Variants in CAMSAP2 observed in about 807,000 individuals in gnomAD.
CAMSAP2 encodes the protein calmodulin-regulated spectrin-associated protein 2.
A neutral mutation model predicts 146.1 loss-of-function variants in CAMSAP2; 26 were observed. The ratio of observed to expected loss-of-function variants is 0.18; its 90% CI spans 0.13 to 0.25. CAMSAP2 has a LOEUF of 0.25. CAMSAP2 is among the 10% of genes least tolerant of loss of function. CAMSAP2 has a pLI of 1.00. For missense variants in CAMSAP2, 1,381 were observed against 1,759.3 expected, an observed-to-expected ratio of 0.78 and a Z score of 3.85; for synonymous variants, 499 against 596.6, an observed-to-expected ratio of 0.84 and a Z score of 2.38.
intron 12 of CAMSAP2, 96 bp downstream of exon 12, chr1:200,852,773 C>A: frequency 7.8e-7 from 1 of 1,274,634 alleles, no homozygotes; most frequent in Non-Finnish European, 1.1e-6. Context: ...GGTGGTCTCT[C>A]ATTAATTTTT....
At chr1:200,828,617 C>A in intron 4 of CAMSAP2, 1 of 1,549,120 alleles carries the variant, frequency 6.5e-7, no homozygotes, top group South Asian at 1.2e-5. Context: ...TAAGTTTGCT[C>A]AGCTACTTCA....
In CAMSAP2 at chr1:200,832,628, A is replaced by C; in HGVS notation, c.788-78A>C. On this transcript the variant is annotated intron_variant, in intron 5 of 16. Coordinates refer to ENST00000358823, the MANE Select transcript of CAMSAP2 (RefSeq NM_203459.4). The surrounding 1 kb of genome is among the most constrained non-coding windows in gnomAD (Gnocchi z 4.2). Reference sequence around the variant, plus strand: ...TTGTTAACCAGAATTGTGTATTTGTACTAATTACAAGATGGATATGAAATA... The same window carrying C: ...TTGTTAACCAGAATTGTGTATTTGTCCTAATTACAAGATGGATATGAAATA... 1 of 1,190,748 alleles carries C rather than the reference A, an allele frequency of 8.4e-7. No homozygotes were observed. The highest frequency in any genetic ancestry group is 1.2e-6 in the Non-Finnish European group (1 of 858,904). The allele number at this position is 1,190,748 out of a possible 1,614,324, so 73.8% of individuals were successfully genotyped here.
At chr1:200,823,617 T>C (rs1666829838) in intron 4 of CAMSAP2, among the ~76,000 whole-genome samples, 1 of 152,212 alleles carries the variant, frequency 6.6e-6, no homozygotes, top group Non-Finnish European at 1.5e-5. Flanking sequence ...TCATATCATA[T>C]ATTGTATCAC....
At chr1:200,767,253 T>C (rs1664979482) in intron 2 of CAMSAP2, among the ~76,000 whole-genome samples, 1 of 151,942 alleles carries the variant, frequency 6.6e-6, no homozygotes, top group South Asian at 2.1e-4. Flanking sequence ...TACCAGCTAC[T>C]TGGGAGGCTG....
At chr1:200,742,727 A>G (rs1269917018) in intron 1 of CAMSAP2, among the ~76,000 whole-genome samples, 1 of 152,184 alleles carries the variant, frequency 6.6e-6, no homozygotes, top group Non-Finnish European at 1.5e-5. Flanking sequence ...GGTGTTTTCT[A>G]TTAGAAACTT....
Position 200,815,606 on chromosome 1 carries a change from A to G in CAMSAP2, c.607A>G (p.Lys203Glu). The G allele has an allele frequency of 6.3e-7, 1 of 1,577,898 alleles. No individual in the cohort carries two copies. The highest frequency in any genetic ancestry group is 8.6e-7 in the Non-Finnish European group (1 of 1,164,512). ...KDIMEQEQKL[K>E]EHHTVEAPGG... is the part of the protein sequence containing the mutation. Reference sequence around the variant, plus strand: ...CATAATGGAACAAGAACAAAAACTGAAAGAACATCACACAGTTGAAGCTCC... The same window carrying G: ...CATAATGGAACAAGAACAAAAACTGGAAGAACATCACACAGTTGAAGCTCC... The change falls in exon 4 of 17, where the codon AAA becomes GAA. Residue 203 changes from lysine to glutamate, a missense_variant. Lys to Glu is a moderately conservative substitution (Grantham distance 56). Coordinates refer to ENST00000358823, the MANE Select transcript of CAMSAP2 (RefSeq NM_203459.4).
rs569051976 is a variant in CAMSAP2, at chr1:200,818,225, T to G, written c.645+2581T>G. The stretch of plus-strand genomic sequence containing the variant: ...TGAACCAAATGGGGATTTTATATGA[T>G]GACAGAGGGCCCAAGAAACATTTTT... On this transcript the variant is annotated intron_variant, in intron 4 of 16. Transcript: ENST00000358823. Among the ~76,000 whole-genome samples the G allele has an allele frequency of 5.9e-5, 9 of 152,312 alleles. No individual in the cohort carries two copies. The South Asian group carries it at 1.9e-3, about 32-fold the overall frequency.
intron 1 of CAMSAP2, among the ~76,000 whole-genome samples, chr1:200,747,497 G>A (rs1664368432): frequency 6.6e-6 from 1 of 151,480 alleles, no homozygotes; most frequent in Non-Finnish European, 1.5e-5. Flanking sequence ...GTAAATGGGA[G>A]ATTGTATCAA....
rs1667795210 is a variant in CAMSAP2, at chr1:200,858,194, A to G, written c.*135A>G. 1 of 738,376 alleles carries G rather than the reference A, an allele frequency of 1.4e-6. No homozygotes were observed. Among genetic ancestry groups the G allele is most frequent in the South Asian group, 2.3e-5 (1 of 43,570 alleles). The allele number at this position is 738,376 out of a possible 1,614,324, so 45.7% of individuals were successfully genotyped here. On this transcript the variant is annotated 3_prime_UTR_variant, in exon 17 of 17. Transcript: ENST00000358823. ...GACATTAAGCTCTGTTGTCATGAAC[A>G]ACTGGAATGTAAACCACAGTATTTT...
intron 2 of CAMSAP2, among the ~76,000 whole-genome samples, chr1:200,764,876 G>A (rs1664901894): frequency 6.6e-6 from 1 of 152,154 alleles, no homozygotes; most frequent in African/African-American, 2.4e-5. Flanking sequence ...GGCCAAGGCG[G>A]GTGGTTCACC....
At chr1:200,755,782 C>T (rs1393243166) in intron 1 of CAMSAP2, among the ~76,000 whole-genome samples, 1 of 152,034 alleles carries the variant, frequency 6.6e-6, no homozygotes, top group Non-Finnish European at 1.5e-5. Context: ...CTTCAGGTAC[C>T]TTATAGTGAG....
chr1:200,790,486 C>T (rs1340140726), intron 2 of CAMSAP2, among the ~76,000 whole-genome samples: 1 of 152,194 alleles, frequency 6.6e-6, no homozygotes, highest in African/African-American at 2.4e-5. Context: ...CTTGTTTACT[C>T]TGAACCTGCA....
intron 1 of CAMSAP2, among the ~76,000 whole-genome samples, chr1:200,752,596 T>C (rs1664536966): frequency 6.6e-6 from 1 of 152,086 alleles, no homozygotes; most frequent in African/African-American, 2.4e-5. Context: ...AGGATCATGC[T>C]TTGCATTTAG....
At chr1:200,761,144 C>T (rs767694331) in intron 2 of CAMSAP2, 46 bp downstream of exon 2, 1 of 1,547,744 alleles carries the variant, frequency 6.5e-7, no homozygotes, top group South Asian at 1.1e-5. Flanking sequence ...GAAGTGTGTA[C>T]TTTTGAGTGT....
intron 2 of CAMSAP2, among the ~76,000 whole-genome samples, chr1:200,794,376 T>C (rs1051798916): frequency 6.6e-6 from 1 of 152,194 alleles, no homozygotes; most frequent in Non-Finnish European, 1.5e-5. Context: ...AGACTCACTT[T>C]CTTCTTTCCC....
intron 2 of CAMSAP2, among the ~76,000 whole-genome samples, chr1:200,788,388 G>A (rs1558178020): frequency 6.6e-6 from 1 of 152,102 alleles, no homozygotes; most frequent in Non-Finnish European, 1.5e-5. Flanking sequence ...GCTCCTATAG[G>A]TATATACCAT....
At chr1:200,817,161 C>CCCACGTGTGTGTATAT in intron 4 of CAMSAP2, among the ~76,000 whole-genome samples, 1 of 86,024 alleles carries the variant, frequency 1.2e-5, no homozygotes, top group South Asian at 4.7e-4. Context: ...CACACATACA[C>CCCACGTGTGTGTATAT]ACACGTGTGT....
intron 2 of CAMSAP2, among the ~76,000 whole-genome samples, chr1:200,801,450 C>G (rs984259717): frequency 6.6e-6 from 1 of 151,896 alleles, no homozygotes; most frequent in Admixed American, 6.6e-5. Flanking sequence ...GTGGTGGTCT[C>G]TGTATTTCGT....
intron 2 of CAMSAP2, among the ~76,000 whole-genome samples, chr1:200,795,999 T>C (rs1216894046): frequency 6.6e-6 from 1 of 152,228 alleles, no homozygotes; most frequent in East Asian, 1.9e-4. Context: ...TTTTGTGCGA[T>C]CAGTTGTTTA....
Sources: gnomAD v4.1 joint callset for allele counts (sites outside exome capture counted in the v4.1 genomes callset) on GRCh38, gnomAD v4.1.1 for gene constraint, Gnocchi (gnomAD v3.1) non-coding constraint, MANE v1.5 for transcripts, NCBI Gene and HGNC (gene_info 2026-07-23, HGNC 2026-07-21) for gene names.